Variants in SATL1 observed in about 807,000 individuals in gnomAD.
The protein encoded by SATL1 is spermidine/spermine N(1)-acetyltransferase-like protein 1.
A neutral mutation model predicts 51.8 loss-of-function variants in SATL1; 47 were observed. The observed-to-expected ratio is 0.91, with a 90% CI of 0.72 to 1.16. SATL1 has a LOEUF of 1.16. SATL1 is among the 50% of genes most tolerant of loss of function. SATL1 has a pLI of 0.00. For missense variants in SATL1, 520 were observed against 526.4 expected (o/e 0.99, Z 0.12); for synonymous variants, 176 against 182.4 (o/e 0.97, Z 0.28).
chrX:85,223,363 A>G (rs187077290), intron 2 of SATL1, among the ~76,000 whole-genome samples: 30 of 111,649 alleles, frequency 2.7e-4, no homozygotes, highest in Non-Finnish European at 4.7e-4. Context: ...GGATATGAGT[A>G]TGGCAGAATT....
intron 2 of SATL1, among the ~76,000 whole-genome samples, chrX:85,176,472 A>G (rs1456843387): frequency 1.8e-5 from 2 of 111,453 alleles, no homozygotes; most frequent in Non-Finnish European, 3.8e-5. Flanking sequence ...CTACTAAGAG[A>G]GCCTGGTTAA....
At chrX:85,129,764 T>C (rs1397764239) in intron 2 of SATL1, among the ~76,000 whole-genome samples, 1 of 111,714 alleles carries the variant, frequency 9.0e-6, no homozygotes. Flanking sequence ...GCCCATTCAG[T>C]ATGATATTAG....
intron 2 of SATL1, among the ~76,000 whole-genome samples, chrX:85,169,410 A>G (rs762475230): frequency 9.0e-6 from 1 of 111,252 alleles, no homozygotes; most frequent in South Asian, 3.8e-4. Context: ...AAGGAACTTT[A>G]ACAAATTTAC....
At chrX:85,199,511 A>C (rs1927646802) in intron 2 of SATL1, among the ~76,000 whole-genome samples, 1 of 111,931 alleles carries the variant, frequency 8.9e-6, no homozygotes, top group African/African-American at 3.3e-5. Flanking sequence ...TACAGTAGCC[A>C]AGATTTGGAA....
chrX:85,116,769 A>G (rs895090805), intron 2 of SATL1, among the ~76,000 whole-genome samples: 3 of 110,353 alleles, frequency 2.7e-5, no homozygotes, highest in African/African-American at 9.9e-5. Flanking sequence ...CTGTCTACCT[A>G]CCTACTCCAA....
At chrX:85,169,884 A>G (rs1926935698) in intron 2 of SATL1, among the ~76,000 whole-genome samples, 1 of 111,894 alleles carries the variant, frequency 8.9e-6, no homozygotes, top group African/African-American at 3.2e-5. Flanking sequence ...ATGCCCATCA[A>G]TGGTAGACTG....
At chrX:85,179,079 T>C (rs1411414722) in intron 2 of SATL1, among the ~76,000 whole-genome samples, 2 of 112,181 alleles carry the variant, frequency 1.8e-5, no homozygotes, top group Non-Finnish European at 3.8e-5. Context: ...CATGTGGCTA[T>C]TGTGGACTTG....
At chrX:85,197,194 C>A (rs1234164667) in intron 2 of SATL1, among the ~76,000 whole-genome samples, 2 of 111,138 alleles carry the variant, frequency 1.8e-5, no homozygotes, top group African/African-American at 6.5e-5. Context: ...TACGAATAGA[C>A]ATTTCTCTCA....
intron 2 of SATL1, among the ~76,000 whole-genome samples, chrX:85,155,513 A>G (rs1926565479): frequency 8.9e-6 from 1 of 112,051 alleles, no homozygotes; most frequent in Non-Finnish European, 1.9e-5. Context: ...CAAAAGTAAA[A>G]CGGAAAGATT....
chrX:85,102,232 C>T (rs73232532), intron 4 of SATL1, among the ~76,000 whole-genome samples: 1 of 97,463 alleles, frequency 1.0e-5, no homozygotes, highest in South Asian at 4.7e-4. Context: ...ATCCTTCCCC[C>T]CTCCCCCCAC....
intron 2 of SATL1, among the ~76,000 whole-genome samples, chrX:85,171,593 A>G (rs770773899): frequency 4.5e-5 from 5 of 111,584 alleles, no homozygotes; most frequent in Non-Finnish European, 9.5e-5. Flanking sequence ...ACATTCAGGA[A>G]CTTTGTCCTT....
chrX:85,150,386 A>C (rs1926393635), intron 2 of SATL1, among the ~76,000 whole-genome samples: 1 of 110,138 alleles, frequency 9.1e-6, no homozygotes, highest in Non-Finnish European at 1.9e-5. Flanking sequence ...TACCAGAGGT[A>C]CAAGGAGGAA....
At chrX:85,209,609 T>G (rs1927866361) in intron 2 of SATL1, 1 of 111,545 alleles carries the variant, frequency 9.0e-6, no homozygotes, top group African/African-American at 3.3e-5. Context: ...GTAAGTTGGA[T>G]TCCTAGGTAT....
chrX:85,118,192 G>A (rs1017243944), intron 2 of SATL1: 5 of 105,687 alleles, frequency 4.7e-5, no homozygotes, highest in Non-Finnish European at 9.7e-5. Context: ...CTGGCAAAAC[G>A]GGTAGTAGGC....
chrX:85,124,045 A>G (rs1029147377), intron 2 of SATL1, among the ~76,000 whole-genome samples: 1 of 111,862 alleles, frequency 8.9e-6, no homozygotes, highest in Non-Finnish European at 1.9e-5. Flanking sequence ...TAATTGTTTT[A>G]AAAAGTCAAG....
Position 85,108,204 on chromosome X carries a change from A to G in SATL1, c.765T>C (p.Asp255=), listed in dbSNP as rs763581926. ...QPDANQSSLS[D]SNQTGIIQPS... is the part of the protein sequence containing the mutation. ...GCTGGATTATACCTGTTTGGTTGGA[A>G]TCTGATAAACTTGATTGGTTTGCGT... The change falls in exon 3 of 8, where the codon GAT becomes GAC. Residue 255 remains aspartate (D), a synonymous_variant. Coordinates refer to ENST00000644105, the MANE Select transcript of SATL1 (RefSeq NM_001367857.2). 3.3e-6 allele frequency: 4 copies of G among 1,210,979 alleles called. No homozygotes were observed. The highest frequency in any genetic ancestry group is 4.5e-6 in the Non-Finnish European group (4 of 895,291).
chrX:85,152,203 G>A (rs1408797754), intron 2 of SATL1, among the ~76,000 whole-genome samples: 4 of 111,814 alleles, frequency 3.6e-5, no homozygotes, highest in Non-Finnish European at 7.5e-5. Context: ...GCAGCCAAAA[G>A]ACACATAAAA....
chrX:85,233,562 C>T (rs1455130851), intron 1 of SATL1, among the ~76,000 whole-genome samples: 1 of 111,681 alleles, frequency 9.0e-6, no homozygotes, highest in Non-Finnish European at 1.9e-5. Context: ...AATTTGGAAT[C>T]CTATCAGATA....
rs773503481 is a variant in SATL1 at position 85,107,548 on chromosome X, G to A, written c.1421C>T (p.Pro474Leu). Residue 474 changes from proline to leucine, a missense_variant, in exon 3 of 8, where the codon CCA becomes CTA. Transcript: ENST00000644105. ...SSKNQTGMSHPGRGQPGIWEP... is the reference protein window; with the variant it reads ...SSKNQTGMSHLGRGQPGIWEP... ...CCATATGCCTGGTTGGCCCCTGCCTGGATGGCTCATGCCTGTTTGGTTCTT... is the reference window on the plus strand; with the variant it reads ...CCATATGCCTGGTTGGCCCCTGCCTAGATGGCTCATGCCTGTTTGGTTCTT... The A allele has an allele frequency of 3.3e-6, 4 of 1,211,936 alleles. No individual in the cohort carries two copies. The highest frequency in any genetic ancestry group is 2.3e-4 in the Middle Eastern group (1 of 4,354).
Sources: allele counts gnomAD v4.1 joint callset (sites outside exome capture counted in the v4.1 genomes callset), GRCh38; gene constraint gnomAD v4.1.1; transcripts MANE v1.5; gene names NCBI Gene and HGNC (gene_info 2026-07-23, HGNC 2026-07-21).